PROM2: variants seen among roughly 807,000 people sequenced by gnomAD.
PROM2 encodes the protein prominin 2.
PROM2 carries 90 observed loss-of-function variants against 110.2 expected under a neutral mutation model. The ratio of observed to expected loss-of-function variants is 0.82; its 90% CI spans 0.69 to 0.97. PROM2 has a LOEUF of 0.97. Ranked by LOEUF, PROM2 falls within the 50% of genes least tolerant of loss-of-function variation. PROM2 has a pLI of 0.00. For synonymous variants in PROM2, 470 were observed against 467.8 expected (o/e 1.00, Z -0.06); for missense variants, 1,009 against 1,074.8 (o/e 0.94, Z 0.86).
chr2:95,275,624 G>A lies in PROM2; in HGVS notation c.294+114G>A, dbSNP rs1676599941. The A allele has an allele frequency of 1.4e-6, 2 of 1,416,338 alleles. No individual in the cohort carries two copies. Among genetic ancestry groups the A allele is most frequent in the Non-Finnish European group, 1.9e-6 (2 of 1,040,232 alleles). The allele number at this position is 1,416,338 out of a possible 1,614,324, so 87.7% of individuals were successfully genotyped here. On this transcript the variant is annotated intron_variant, in intron 2 of 23. Coordinates refer to ENST00000317620, the MANE Select transcript of PROM2 (RefSeq NM_001165978.3). This position sits in a 1 kb window ranked among gnomAD's most constrained non-coding sequence, Gnocchi z 4.4. Reference sequence around the variant, plus strand: ...ACCTCGCTGGGTGTCCACTAGGCAGGGGCTCAGGCATCCTCTCCCCTCCTC... The same window carrying A: ...ACCTCGCTGGGTGTCCACTAGGCAGAGGCTCAGGCATCCTCTCCCCTCCTC...
Position 95,288,608 on chromosome 2 carries a change from T to C in PROM2, c.2441+19T>C. The stretch of plus-strand genomic sequence containing the variant: ...GCCTCAGGTGAGGGGCTGCCAGGGC[T>C]GCAGGCAGCATCAGGGGCCAGGGAG... On this transcript the variant is annotated intron_variant, in intron 22 of 23. Coordinates refer to ENST00000317620, the MANE Select transcript of PROM2 (RefSeq NM_001165978.3). 2 of 1,599,008 alleles carry C rather than the reference T, an allele frequency of 1.3e-6. No individual in the cohort carries two copies. The highest frequency in any genetic ancestry group is 1.7e-6 in the Non-Finnish European group (2 of 1,167,090).
At position 95,281,991 on chromosome 2, in the gene PROM2, A is replaced by C. The variant is rs762400458; in HGVS notation, c.1618A>C (p.Asn540His). ...GTCGCAACTTCTTGGCCTGAGGAAG[A>C]ACATCAGCATCCACCAAGCCTATCA... ...NLSQLLGLRK[N>H]ISIHQAYQQC... Residue 540 changes from asparagine to histidine, a missense_variant, in exon 13 of 24, where the codon AAC becomes CAC. By Grantham distance (68) the Asn-to-His change is moderately conservative. Coordinates refer to ENST00000317620, the MANE Select transcript of PROM2 (RefSeq NM_001165978.3). The C allele has an allele frequency of 5.6e-6, 9 of 1,613,974 alleles. No homozygotes were observed. Among genetic ancestry groups the C allele is most frequent in the African/African-American group, 1.3e-5 (1 of 74,904 alleles).
rs764875118 is a variant in PROM2 at position 95,279,111 on chromosome 2, AC to A, written c.1243del (p.Leu415CysfsTer115). ...GAGGTGGAGGAGAGCAGCCGCCCCTACCTGCAGGAGGTGCAGAGATACGAGA... is the reference window on the plus strand; with the variant it reads ...GAGGTGGAGGAGAGCAGCCGCCCCTACTGCAGGAGGTGCAGAGATACGAGA... ...LQEVEESSRP[Y>X]LQEVQRYETY... On this transcript the variant is annotated frameshift_variant, in exon 10 of 24. Coordinates refer to ENST00000317620, the MANE Select transcript of PROM2 (RefSeq NM_001165978.3). LOFTEE classifies it high-confidence loss of function. 2.5e-5 allele frequency: 34 copies of A among 1,362,254 alleles called. No individual in the cohort carries two copies. Among genetic ancestry groups the A allele is most frequent in the Non-Finnish European group, 3.3e-5 (34 of 1,030,634 alleles). The allele number at this position is 1,362,254 out of a possible 1,614,324, so 84.4% of individuals were successfully genotyped here. A position where few individuals can be genotyped will look rare whatever the true frequency, so the allele number is the denominator to read the frequency against.
rs1239107100 is a variant in PROM2 at position 95,275,848 on chromosome 2, C to G, written c.295-82C>G. On this transcript the variant is annotated intron_variant, in intron 2 of 23. Transcript: ENST00000317620. This position sits in a 1 kb window ranked among gnomAD's most constrained non-coding sequence, Gnocchi z 4.4. ...GCCCCTGACGGCACTCCCGCCCCTT[C>G]TGGTTTCCCTCTGGACTCAGGCAGA... The G allele has an allele frequency of 6.5e-7, 1 of 1,541,586 alleles. No individual in the cohort carries two copies. The highest frequency in any genetic ancestry group is 2.4e-5 in the East Asian group (1 of 41,240).
rs530271538 is a variant in PROM2, at chr2:95,274,716, C to A, written c.131C>A (p.Ala44Glu). 3.1e-6 allele frequency: 5 copies of A among 1,612,584 alleles called. No individual in the cohort carries two copies. In the South Asian group the frequency reaches 5.5e-5, roughly 18 times the overall value. Residue 44 changes from alanine to glutamate, a missense_variant, in exon 1 of 24, where the codon GCA becomes GAA. Physicochemically the swap from Ala to Glu is moderately radical, Grantham distance 107. Coordinates refer to ENST00000317620, the MANE Select transcript of PROM2 (RefSeq NM_001165978.3). ...GCAGAGCACCTGACATTCACCCCAG[C>A]AGCCAGGGCCCGGTGGCTGGCCCCT... ...GPAEHLTFTP[A>E]ARARWLAPRV...
intron 11 of PROM2, 122 bp from the exon 12 acceptor site, chr2:95,281,120 A>G: frequency 2.2e-6 from 3 of 1,341,342 alleles, no homozygotes; most frequent in Non-Finnish European, 3.0e-6. Flanking sequence ...CCTTTCCTCT[A>G]AAGGCTCTGT....
Position 95,276,323 on chromosome 2 carries a change from G to A in PROM2, c.594G>A (p.Trp198Ter). 6.2e-7 allele frequency: 1 copy of A among 1,613,700 alleles called. No homozygotes were observed. The highest frequency in any genetic ancestry group is 8.5e-7 in the Non-Finnish European group (1 of 1,180,024). ...EAMPETLLSL[W>*]GLVSDVPQEL... Reference sequence around the variant, plus strand: ...TGCCTGAGACCCTGCTCAGCCTCTGGGGCCTGGTCTCTGATGTCCCCCAAG... The same window carrying A: ...TGCCTGAGACCCTGCTCAGCCTCTGAGGCCTGGTCTCTGATGTCCCCCAAG... Residue 198 changes from tryptophan to a stop codon, truncating the protein, a stop_gained, in exon 4 of 24, where the codon TGG (tryptophan) becomes TGA (stop). Transcript: ENST00000317620. LOFTEE classifies it high-confidence loss of function. The surrounding 1 kb of genome is among the most constrained non-coding windows in gnomAD (Gnocchi z 4.6).
rs1301887538 is a variant in PROM2, at chr2:95,289,325, G to C, written c.*112G>C. On this transcript the variant is annotated 3_prime_UTR_variant, in exon 24 of 24. Transcript: ENST00000317620. ...AGAGCCCAGGCTGGCATCCAGGCCTGGACTGTCCCCAGTTCCGGCTTACCT... is the reference window on the plus strand; with the variant it reads ...AGAGCCCAGGCTGGCATCCAGGCCTCGACTGTCCCCAGTTCCGGCTTACCT... 1 of 392,884 alleles carries C rather than the reference G, an allele frequency of 2.5e-6. No individual in the cohort carries two copies. The highest frequency in any genetic ancestry group is 2.0e-5 in the African/African-American group (1 of 49,178). 24.3% of individuals were successfully genotyped at this position (392,884 alleles called of 1,614,324 possible). A position where few individuals can be genotyped will look rare whatever the true frequency, so the allele number is the denominator to read the frequency against.
intron 21 of PROM2, 85 bp from the exon 22 acceptor site, chr2:95,288,398 C>T: frequency 6.3e-7 from 1 of 1,581,726 alleles, no homozygotes; most frequent in Admixed American, 1.7e-5. Flanking sequence ...CCAGGCATGG[C>T]CTCTGCCCCG....
intron 18 of PROM2, 55 bp downstream of exon 18, chr2:95,286,912 A>T: frequency 6.4e-7 from 1 of 1,568,766 alleles, no homozygotes; most frequent in South Asian, 1.1e-5. Context: ...AGAGGCGGGG[A>T]GGAAGTAGGA....
chr2:95,286,603 T>G (rs1395675807), intron 17 of PROM2, 32 bp downstream of exon 17: 2 of 1,588,760 alleles, frequency 1.3e-6, no homozygotes, highest in African/African-American at 1.4e-5. Flanking sequence ...GCCTGGGGCC[T>G]GGGGGAGGGG....
intron 14 of PROM2, among the ~76,000 whole-genome samples, chr2:95,282,829 A>T (rs1396725384): frequency 1.3e-5 from 2 of 152,190 alleles, no homozygotes; most frequent in African/African-American, 2.4e-5. Flanking sequence ...GGCTCTCCTC[A>T]TGGTGCACAG....
chr2:95,276,309 C>G lies in PROM2; in HGVS notation c.580C>G (p.Leu194Val), dbSNP rs770194775. Reference sequence around the variant, plus strand: ...CAGCATCGAGGCCATGCCTGAGACCCTGCTCAGCCTCTGGGGCCTGGTCTC... The same window carrying G: ...CAGCATCGAGGCCATGCCTGAGACCGTGCTCAGCCTCTGGGGCCTGGTCTC... The part of the protein sequence containing the change: ...GPSIEAMPET[L>V]LSLWGLVSDV... The change falls in exon 4 of 24, where the codon CTG becomes GTG. Residue 194 changes from leucine (L) to valine (V), a missense_variant. Coordinates refer to ENST00000317620, the MANE Select transcript of PROM2 (RefSeq NM_001165978.3). The surrounding 1 kb of genome is among the most constrained non-coding windows in gnomAD (Gnocchi z 4.6). 15 of 1,613,828 alleles carry G rather than the reference C, an allele frequency of 9.3e-6. No individual in the cohort carries two copies. The highest frequency in any genetic ancestry group is 1.2e-5 in the Non-Finnish European group (14 of 1,180,044).
intron 6 of PROM2, 112 bp from the exon 7 acceptor site, chr2:95,277,249 CAGG>C: frequency 2.4e-6 from 3 of 1,257,210 alleles, no homozygotes; most frequent in Non-Finnish European, 3.3e-6. Flanking sequence ...CCACTGTAGG[CAGG>C]AGGTCAATGA....
chr2:95,278,954 G>C (rs375097342), intron 9 of PROM2, 31 bp from the exon 10 acceptor site: 21 of 1,595,876 alleles, frequency 1.3e-5, no homozygotes, highest in Non-Finnish European at 1.8e-5. Context: ...GGTGCCCTCC[G>C]CATCCCACAA....
rs1676531491 is a variant in PROM2 at position 95,274,576 on chromosome 2, T to C, written c.-10T>C. 5 of 1,568,538 alleles carry C rather than the reference T, an allele frequency of 3.2e-6. No homozygotes were observed. The highest frequency in any genetic ancestry group is 4.3e-6 in the Non-Finnish European group (5 of 1,154,912). On this transcript the variant is annotated 5_prime_UTR_variant, in exon 1 of 24. Transcript: ENST00000317620. Reference sequence around the variant, plus strand: ...CCTCCTGAGCCTGAGCCCCTTACCTTCCTGACCCCATGAAGCACACACTGG... The same window carrying C: ...CCTCCTGAGCCTGAGCCCCTTACCTCCCTGACCCCATGAAGCACACACTGG...
Position 95,285,588 on chromosome 2 carries a change from GC to G in PROM2, c.1876-47del, listed in dbSNP as rs979016464. On this transcript the variant is annotated intron_variant, in intron 15 of 23. Coordinates refer to ENST00000317620, the MANE Select transcript of PROM2 (RefSeq NM_001165978.3). ...GGAGGCTGGGATCAGGTGGTGGTGG[GC>G]CCCAGGGGAGCTGGGTTCATCCCTC... The G allele has an allele frequency of 4.0e-6, 6 of 1,484,226 alleles. No individual in the cohort carries two copies. In the African/African-American group the frequency reaches 7.0e-5, roughly 17 times the overall value. The allele number at this position is 1,484,226 out of a possible 1,614,324, so 91.9% of individuals were successfully genotyped here. A position where few individuals can be genotyped will look rare whatever the true frequency, so the allele number is the denominator to read the frequency against.
At chr2:95,277,173 C>A in intron 6 of PROM2, 112 bp downstream of exon 6, 3 of 1,169,796 alleles carry the variant, frequency 2.6e-6, no homozygotes, top group Non-Finnish European at 3.6e-6. Context: ...CCACCTGTGA[C>A]TTCCCCATCG....
chr2:95,276,558 C>T lies in PROM2; in HGVS notation c.619-36C>T. The stretch of plus-strand genomic sequence containing the variant: ...GAAGGGCGTAAGGACTGTGGGTGAC[C>T]AGGAAGGGCAGCCTCAGGGCCTTGT... On this transcript the variant is annotated intron_variant, in intron 4 of 23. Transcript: ENST00000317620. The surrounding 1 kb of genome is among the most constrained non-coding windows in gnomAD (Gnocchi z 4.6). 6.2e-7 allele frequency: 1 copy of T among 1,613,734 alleles called. No homozygotes were observed. Among genetic ancestry groups the T allele is most frequent in the Admixed American group, 1.7e-5 (1 of 60,018 alleles).
Sources: gnomAD v4.1 joint callset for allele counts (sites outside exome capture counted in the v4.1 genomes callset) on GRCh38, gnomAD v4.1.1 for gene constraint, Gnocchi (gnomAD v3.1) non-coding constraint, MANE v1.5 for transcripts, NCBI Gene and HGNC (gene_info 2026-07-23, HGNC 2026-07-21) for gene names.